The following BRD4 variants were observed in gnomAD, a reference collection of about 807,000 sequenced individuals.
BRD4 encodes the protein bromodomain containing 4.
A neutral mutation model predicts 142.1 loss-of-function variants in BRD4; 16 were observed. The ratio of observed to expected loss-of-function variants is 0.11; its 90% CI spans 0.08 to 0.17. BRD4 has a LOEUF of 0.17. Among genes scored for constraint, BRD4 ranks in the 10% least tolerant of loss-of-function variants. The pLI, the probability that BRD4 is intolerant of heterozygous loss-of-function variation, is 1.00. For missense variants in BRD4, 1,424 were observed against 1,810.9 expected (o/e 0.79, Z 3.88); for synonymous variants, 833 against 707.5 (o/e 1.18, Z -2.82).
rs557029312 is a variant in BRD4 at position 15,323,917 on chromosome 19, A to C, written c.-35+8373T>G. 2.6e-5 allele frequency among the ~76,000 whole-genome samples: 4 copies of C among 152,192 alleles called. No homozygotes were observed. In the South Asian group the frequency reaches 8.3e-4, roughly 32 times the overall value. On this transcript the variant is annotated intron_variant, in intron 1 of 19. Transcript: ENST00000679869. ...CCCAGGCATCTTTATACAATTAGAC[A>C]TGAGGCCCAGGTCAGTACCCACATG...
At chr19:15,293,560 C>T (rs558519826) in intron 1 of BRD4, among the ~76,000 whole-genome samples, 3 of 152,328 alleles carry the variant, frequency 2.0e-5, no homozygotes, top group Middle Eastern at 3.4e-3. Flanking sequence ...AGGCACCACT[C>T]GTTAGTCTCT....
intron 1 of BRD4, among the ~76,000 whole-genome samples, chr19:15,297,079 A>T (rs989361929): frequency 6.6e-6 from 1 of 152,230 alleles, no homozygotes. Context: ...GGAGTAAACA[A>T]AAGATACATA....
chr19:15,238,580 C>CACAGCACTCAGGGCCCT lies in BRD4; in HGVS notation c.4020+146_4021-136dup. On this transcript the variant is annotated intron_variant, in intron 19 of 19. Coordinates refer to ENST00000679869, the MANE Select transcript of BRD4 (RefSeq NM_001379291.1). The surrounding 1 kb of genome is among the most constrained non-coding windows in gnomAD (Gnocchi z 7.2). ...CCCCTCATAGCGCTCACCCCGTCCA[C>CACAGCACTCAGGGCCCT]ACAGCACTCAGGGCCCTACAGCTGA... 2 of 1,517,200 alleles carry CACAGCACTCAGGGCCCT rather than the reference C, an allele frequency of 1.3e-6. No homozygotes were observed. Among genetic ancestry groups the CACAGCACTCAGGGCCCT allele is most frequent in the Non-Finnish European group, 1.8e-6 (2 of 1,131,442 alleles). 94.0% of individuals were successfully genotyped at this position (1,517,200 alleles called of 1,614,324 possible).
intron 11 of BRD4, chr19:15,253,589 CTG>C (rs769754340): frequency 6.3e-7 from 1 of 1,587,856 alleles, no homozygotes; most frequent in South Asian, 1.1e-5. Flanking sequence ...CGAGCACACT[CTG>C]GGGAGGGGTA....
rs955003930 is a variant in BRD4, at chr19:15,243,196, A to C, written c.2873T>G (p.Leu958Arg). Residue 958 changes from leucine to arginine, a missense_variant, in exon 14 of 20, where the codon CTG becomes CGG. By Grantham distance (102) the Leu-to-Arg change is moderately radical. This residue lies in a region of BRD4 where 598 missense variants were observed against 647.8 expected (regional missense o/e 0.92). Coordinates refer to ENST00000679869, the MANE Select transcript of BRD4 (RefSeq NM_001379291.1). ...VKVQSQPPPP[L>R]PPPPHPSVQQ... is the part of the protein sequence containing the mutation. ...CACAGAGGGGTGGGGTGGGGGCGGC[A>C]GGGGGGGTGGGGGCTGGGACTGCAC... The C allele has an allele frequency of 8.3e-5, 3 of 36,244 alleles. No individual in the cohort carries two copies. Among genetic ancestry groups the C allele is most frequent in the Non-Finnish European group, 1.3e-4 (3 of 23,160 alleles). The allele number at this position is 36,244 out of a possible 1,614,324, so 2.2% of individuals were successfully genotyped here.
At position 15,239,729 on chromosome 19, in the gene BRD4, G is replaced by A. The variant is rs1204737989; in HGVS notation, c.3375C>T (p.Phe1125=). 1.9e-6 allele frequency: 3 copies of A among 1,604,438 alleles called. No homozygotes were observed. The highest frequency in any genetic ancestry group is 2.2e-5 in the East Asian group (1 of 44,848). Residue 1125 remains phenylalanine (F), a synonymous_variant, in exon 16 of 20, where the codon TTC becomes TTT. Coordinates refer to ENST00000679869, the MANE Select transcript of BRD4 (RefSeq NM_001379291.1). This position sits in a 1 kb window ranked among gnomAD's most constrained non-coding sequence, Gnocchi z 7.4. ...GGGGCTCCGGCCGCAGCGAGGGGCT[G>A]AAGGGCTCGCTGCGGATGATGGGTG... is the stretch of plus-strand genomic sequence containing the variant. ...IHSPIIRSEP[F]SPSLRPEPPK...
intron 1 of BRD4, among the ~76,000 whole-genome samples, chr19:15,286,477 A>G (rs2047741044): frequency 6.6e-6 from 1 of 152,254 alleles, no homozygotes; most frequent in East Asian, 1.9e-4. Flanking sequence ...CATGTCCAAC[A>G]GAAATACAAT....
chr19:15,251,270 G>C (rs1261452558), intron 11 of BRD4, among the ~76,000 whole-genome samples: 1 of 152,014 alleles, frequency 6.6e-6, no homozygotes, highest in South Asian at 2.1e-4. Flanking sequence ...GCTACCAAGA[G>C]GGGTGTTCAT....
intron 1 of BRD4, among the ~76,000 whole-genome samples, chr19:15,310,453 C>T (rs1299477210): frequency 9.5e-5 from 14 of 147,290 alleles, no homozygotes; most frequent in Non-Finnish European, 1.3e-4. Context: ...CTCCGCCTCC[C>T]GGGTTCACGC....
At chr19:15,257,767 TGGA>T (rs2047428408) in intron 7 of BRD4, among the ~76,000 whole-genome samples, 1 of 152,106 alleles carries the variant, frequency 6.6e-6, no homozygotes, top group Non-Finnish European at 1.5e-5. Context: ...GCTGCACCAC[TGGA>T]GGAGGCATCT....
intron 10 of BRD4, 31 bp from the exon 11 acceptor site, chr19:15,254,293 C>G: frequency 6.3e-7 from 1 of 1,592,488 alleles, no homozygotes. Context: ...GCTGGTCAGG[C>G]AGGGCTGTGG....
Position 15,238,833 on chromosome 19 carries a change from TG to T in BRD4, c.3929del (p.Pro1310HisfsTer38). On this transcript the variant is annotated frameshift_variant, in exon 19 of 20. Coordinates refer to ENST00000679869, the MANE Select transcript of BRD4 (RefSeq NM_001379291.1). LOFTEE classifies it high-confidence loss of function. This position sits in a 1 kb window ranked among gnomAD's most constrained non-coding sequence, Gnocchi z 7.2. ...QAAAVAAAAT[P>X]QAQSSQPQSM... ...ACTGGGGCTGGGAGCTCTGGGCCTG[TG>T]GGGTGGCGGCGGCAGCCACCGCAGC... The T allele has an allele frequency of 6.2e-7, 1 of 1,604,074 alleles. No individual in the cohort carries two copies. The highest frequency in any genetic ancestry group is 8.5e-7 in the Non-Finnish European group (1 of 1,175,448).
intron 1 of BRD4, among the ~76,000 whole-genome samples, chr19:15,324,379 C>G (rs983025454): frequency 4.6e-5 from 7 of 152,192 alleles, no homozygotes; most frequent in African/African-American, 1.4e-4. Context: ...AAAAGGCAAC[C>G]TTTGTGGAAC....
At chr19:15,278,776 T>C (rs1233812606) in intron 1 of BRD4, among the ~76,000 whole-genome samples, 3 of 152,128 alleles carry the variant, frequency 2.0e-5, no homozygotes, top group East Asian at 3.8e-4. Flanking sequence ...TGGGAACTTC[T>C]GGGTTAATGA....
At chr19:15,250,945 T>C (rs1313593755) in intron 11 of BRD4, among the ~76,000 whole-genome samples, 1 of 152,086 alleles carries the variant, frequency 6.6e-6, no homozygotes, top group Non-Finnish European at 1.5e-5. Context: ...AGAGTGGCAT[T>C]TGTGCCCTAC....
At chr19:15,257,432 G>C (rs562504371) in intron 7 of BRD4, 11 of 526,836 alleles carry the variant, frequency 2.1e-5, no homozygotes, top group Non-Finnish European at 3.7e-5. Context: ...ACTCCCTGGA[G>C]GACACCGCCC....
Position 15,239,044 on chromosome 19 carries a change from C to T in BRD4, c.3782+15G>A, listed in dbSNP as rs1285461043. ...GCCCCAAGAGTCCCCATGCCCCACCCAGACACCCGCCCACCTCATGCGCTC... is the reference window on the plus strand; with the variant it reads ...GCCCCAAGAGTCCCCATGCCCCACCTAGACACCCGCCCACCTCATGCGCTC... On this transcript the variant is annotated intron_variant, in intron 18 of 19. Coordinates refer to ENST00000679869, the MANE Select transcript of BRD4 (RefSeq NM_001379291.1). This position sits in a 1 kb window ranked among gnomAD's most constrained non-coding sequence, Gnocchi z 7.4. The T allele has an allele frequency of 6.3e-7, 1 of 1,581,708 alleles. No homozygotes were observed. Among genetic ancestry groups the T allele is most frequent in the Non-Finnish European group, 8.6e-7 (1 of 1,167,604 alleles).
In BRD4 at chr19:15,242,910, G is replaced by C. The variant is rs2047249729; in HGVS notation, c.3159C>G (p.Pro1053=). Reference sequence around the variant, plus strand: ...GTGAGGACCACTTACCGGTTGAGTAGGGGTCCGACTTGTGGTGCCGGGGTG... The same window carrying C: ...GTGAGGACCACTTACCGGTTGAGTACGGGTCCGACTTGTGGTGCCGGGGTG... ...HHSPRHHKSD[P]YSTGHLREAP... The change falls in exon 14 of 20, where the codon CCC becomes CCG. Residue 1053 remains proline, a synonymous_variant. Transcript: ENST00000679869. 2 of 1,607,244 alleles carry C rather than the reference G, an allele frequency of 1.2e-6. No homozygotes were observed. The highest frequency in any genetic ancestry group is 1.7e-6 in the Non-Finnish European group (2 of 1,177,706).
At chr19:15,273,177 A>T in intron 1 of BRD4, 44 bp from the exon 2 acceptor site, 1 of 1,498,758 alleles carries the variant, frequency 6.7e-7, no homozygotes. Context: ...CAGTCAGCAG[A>T]TGGGCACCGC....
Sources: gnomAD v4.1 joint callset for allele counts (sites outside exome capture counted in the v4.1 genomes callset) on GRCh38, gnomAD v4.1.1 for gene constraint, gnomAD v4.1.1 regional missense constraint, Gnocchi (gnomAD v3.1) non-coding constraint, MANE v1.5 for transcripts, NCBI Gene and HGNC (gene_info 2026-07-23, HGNC 2026-07-21) for gene names.